Variants in PAPOLG observed in about 807,000 individuals in gnomAD.
The protein encoded by PAPOLG is poly(A) polymerase gamma, also known as PAP-gamma.
PAPOLG carries 40 observed loss-of-function variants against 99.0 expected under a neutral mutation model. That is an observed-to-expected ratio of 0.40 (90% CI 0.31 to 0.53). The LOEUF (loss-of-function observed/expected upper bound fraction) is 0.53, where lower values mean the gene tolerates loss of function less well. Ranked by LOEUF, PAPOLG falls within the 20% of genes least tolerant of loss-of-function variation. The pLI, the probability that PAPOLG is intolerant of heterozygous loss-of-function variation, is 0.41. For synonymous variants in PAPOLG, 310 were observed against 299.3 expected (o/e 1.04, Z -0.37); for missense variants, 675 against 884.1 (o/e 0.76, Z 3.00).
chr2:60,781,876 A>T lies in PAPOLG; in HGVS notation c.907-9A>T, dbSNP rs1368575358. The stretch of plus-strand genomic sequence containing the variant: ...GAATAGATCAGTTATTCTGCTTCTA[A>T]TTTCACAGGTAAATCCATCAGATAG... On this transcript the variant is annotated splice_polypyrimidine_tract_variant and intron_variant, in intron 10 of 21. Coordinates refer to ENST00000238714, the MANE Select transcript of PAPOLG (RefSeq NM_022894.4). 1.2e-6 allele frequency: 2 copies of T among 1,613,918 alleles called. No homozygotes were observed. The highest frequency in any genetic ancestry group is 1.7e-6 in the Non-Finnish European group (2 of 1,179,892).
At chr2:60,783,497 G>A (rs1297556304) in intron 13 of PAPOLG, among the ~76,000 whole-genome samples, 3 of 109,408 alleles carry the variant, frequency 2.7e-5, no homozygotes, top group African/African-American at 3.2e-5. Flanking sequence ...CACTTTACCC[G>A]GCCTTTTTTT....
At chr2:60,778,625 C>A (rs555909435) in intron 8 of PAPOLG, among the ~76,000 whole-genome samples, 1 of 152,232 alleles carries the variant, frequency 6.6e-6, no homozygotes, top group Non-Finnish European at 1.5e-5. Context: ...AATTACATCT[C>A]AATAAAGCTG....
chr2:60,796,446 T>C (rs778565472), intron 21 of PAPOLG, among the ~76,000 whole-genome samples: 7 of 151,950 alleles, frequency 4.6e-5, no homozygotes, highest in Non-Finnish European at 8.8e-5. Context: ...GCCCTAGATT[T>C]TGCCTTCTTT....
chr2:60,780,748 G>C lies in PAPOLG; in HGVS notation c.875G>C (p.Ser292Thr). 6.2e-7 allele frequency: 1 copy of C among 1,614,054 alleles called. No homozygotes were observed. Among genetic ancestry groups the C allele is most frequent in the Non-Finnish European group, 8.5e-7 (1 of 1,179,932 alleles). Residue 292 changes from serine to threonine, a missense_variant, in exon 10 of 22, where the codon AGC becomes ACC. By Grantham distance (58) the Ser-to-Thr change is moderately conservative. This residue lies in a region of PAPOLG where 113 missense variants were observed against 231.5 expected (regional missense o/e 0.49). Coordinates refer to ENST00000238714, the MANE Select transcript of PAPOLG (RefSeq NM_022894.4). ...NPVLLKQPEE[S>T]NLNLPVWDPR... ...GTGCTGCTGAAGCAACCAGAAGAAA[G>C]CAATTTGAATTTGCCTGTCTGGGAT... is the stretch of plus-strand genomic sequence containing the variant.
At chr2:60,782,656 T>A in intron 11 of PAPOLG, 30 bp from the exon 12 acceptor site, 4 of 713,888 alleles carry the variant, frequency 5.6e-6, no homozygotes, top group Admixed American at 5.1e-5. Context: ...TCTTCTTCTT[T>A]TTTTTTTTTT....
intron 15 of PAPOLG, among the ~76,000 whole-genome samples, chr2:60,789,184 G>C (rs952529891): frequency 6.6e-6 from 1 of 151,904 alleles, no homozygotes; most frequent in African/African-American, 2.4e-5. Flanking sequence ...TTGTGGGGTG[G>C]GGGGAGCGGG....
In PAPOLG at chr2:60,771,517, A is replaced by T; in HGVS notation, c.493-2A>T. The T allele has an allele frequency of 6.4e-7, 1 of 1,572,400 alleles. No individual in the cohort carries two copies. Among genetic ancestry groups the T allele is most frequent in the Non-Finnish European group, 8.6e-7 (1 of 1,167,346 alleles). ...TTTCTCTTTTTTCACATCTTTCCAA[A>T]GATTGATCTAGTCTTTGCAAGACTG... On this transcript the variant is annotated splice_acceptor_variant, in intron 6 of 21. Transcript: ENST00000238714. LOFTEE classifies it high-confidence loss of function.
At chr2:60,758,725 G>A (rs986428238) in intron 1 of PAPOLG, among the ~76,000 whole-genome samples, 1 of 151,968 alleles carries the variant, frequency 6.6e-6, no homozygotes, top group Admixed American at 6.6e-5. Context: ...CACCACGCCC[G>A]GCCTCTAATG....
At chr2:60,791,703 AG>A in intron 15 of PAPOLG, 57 bp from the exon 16 acceptor site, 1 of 1,547,172 alleles carries the variant, frequency 6.5e-7, no homozygotes, top group South Asian at 1.3e-5. Context: ...CAGAAAAATT[AG>A]GCAGAACCCT....
rs1275071071 is a variant in PAPOLG, at chr2:60,794,954, C to T, written c.2056-10C>T. Reference sequence around the variant, plus strand: ...TTAGTTTTCACTTGTGTTGATTCTTCTGTTTTTAGGATGCCATTGGAGGAG... The same window carrying T: ...TTAGTTTTCACTTGTGTTGATTCTTTTGTTTTTAGGATGCCATTGGAGGAG... On this transcript the variant is annotated splice_polypyrimidine_tract_variant and intron_variant, in intron 20 of 21. Transcript: ENST00000238714. 1.9e-6 allele frequency: 3 copies of T among 1,611,464 alleles called. No homozygotes were observed. In the Admixed American group the frequency reaches 5.1e-5, roughly 27 times the overall value.
Position 60,760,262 on chromosome 2 carries a change from G to T in PAPOLG, c.146G>T (p.Gly49Val). The change falls in exon 2 of 22, where the codon GGA becomes GTA. Residue 49 changes from glycine to valine, a missense_variant. Coordinates refer to ENST00000238714, the MANE Select transcript of PAPOLG (RefSeq NM_022894.4). ...TTAATTGACGCCATGAAACCATTTGGAGTGTTTGAAGATGAGGAAGAATTG... is the reference window on the plus strand; with the variant it reads ...TTAATTGACGCCATGAAACCATTTGTAGTGTTTGAAGATGAGGAAGAATTG... ...QKLIDAMKPF[G>V]VFEDEEELNH... is the part of the protein sequence containing the mutation. 6.2e-7 allele frequency: 1 copy of T among 1,613,980 alleles called. No homozygotes were observed.
At chr2:60,778,936 G>T (rs1008788762) in intron 8 of PAPOLG, among the ~76,000 whole-genome samples, 1 of 151,726 alleles carries the variant, frequency 6.6e-6, no homozygotes, top group Admixed American at 6.6e-5. Flanking sequence ...TATAAAAAAC[G>T]GTCATGACAA....
At chr2:60,757,714 C>A (rs1421255320) in intron 1 of PAPOLG, among the ~76,000 whole-genome samples, 1 of 152,140 alleles carries the variant, frequency 6.6e-6, no homozygotes, top group Non-Finnish European at 1.5e-5. Context: ...TTTAATGTTA[C>A]AATGTGACAG....
At chr2:60,758,619 G>A (rs1670427842) in intron 1 of PAPOLG, among the ~76,000 whole-genome samples, 1 of 151,950 alleles carries the variant, frequency 6.6e-6, no homozygotes, top group African/African-American at 2.4e-5. Flanking sequence ...AGTAGAGACG[G>A]GGTTTCACCA....
chr2:60,779,115 G>A (rs999166033), intron 8 of PAPOLG, among the ~76,000 whole-genome samples: 9 of 151,966 alleles, frequency 5.9e-5, no homozygotes, highest in Admixed American at 2.0e-4. Context: ...AAATAGAAAT[G>A]AATGATATCA....
rs984323956 is a variant in PAPOLG, at chr2:60,761,917, C to G, written c.246+110C>G. 7 of 807,290 alleles carry G rather than the reference C, an allele frequency of 8.7e-6. No individual in the cohort carries two copies. The African/African-American group carries it at 1.2e-4, about 14-fold the overall frequency. 50.0% of individuals were successfully genotyped at this position (807,290 alleles called of 1,614,324 possible). A position where few individuals can be genotyped will look rare whatever the true frequency, so the allele number is the denominator to read the frequency against. ...ATCTGAAATACATCAAAGCTTGGCT[C>G]TCTGGTATATGTAGGAATGAATTGG... On this transcript the variant is annotated intron_variant, in intron 3 of 21. Transcript: ENST00000238714.
intron 20 of PAPOLG, 54 bp from the exon 21 acceptor site, chr2:60,794,910 G>T: frequency 6.3e-7 from 1 of 1,599,156 alleles, no homozygotes; most frequent in East Asian, 2.2e-5. Context: ...GTAGAAATAA[G>T]TGTTTGCATA....
In PAPOLG at chr2:60,787,586, C is replaced by T. The variant is rs369104349; in HGVS notation, c.1362C>T (p.Asp454=). The change falls in exon 15 of 22, where the codon GAC becomes GAT. Residue 454 remains aspartate (D), a synonymous_variant. Coordinates refer to ENST00000238714, the MANE Select transcript of PAPOLG (RefSeq NM_022894.4). ...RVENAESVNI[D]LTYDIQSFTD... ...AAAATGCAGAAAGTGTCAACATAGA[C>T]TTGACATATGATATACAGTCATTTA... 2.4e-4 allele frequency: 390 copies of T among 1,613,958 alleles called. No individual in the cohort carries two copies. Among genetic ancestry groups the T allele is most frequent in the Non-Finnish European group, 3.2e-4 (382 of 1,179,980 alleles).
chr2:60,768,877 T>C lies in PAPOLG; in HGVS notation c.425T>C (p.Ile142Thr). The change falls in exon 5 of 22, where the codon ATT becomes ACT. Residue 142 changes from isoleucine (I) to threonine (T), a missense_variant. Physicochemically the swap from Ile to Thr is moderately conservative, Grantham distance 89. Around this residue, in one of 3 missense-constraint regions of PAPOLG, gnomAD observed 149 missense variants for 192.1 expected, o/e 0.78. Transcript: ENST00000238714. ...GAAAAATTGAAACATCAAGATGGCA[T>C]TAGAAACTTAAGAGTAAGTATCCTC... ...FFEKLKHQDG[I>T]RNLRAVEDAF... is the part of the protein sequence containing the mutation. 1 of 1,585,788 alleles carries C rather than the reference T, an allele frequency of 6.3e-7. No homozygotes were observed. The highest frequency in any genetic ancestry group is 8.6e-7 in the Non-Finnish European group (1 of 1,164,780).
Sources: gnomAD v4.1 joint callset for allele counts (sites outside exome capture counted in the v4.1 genomes callset) on GRCh38, gnomAD v4.1.1 for gene constraint, gnomAD v4.1.1 regional missense constraint, MANE v1.5 for transcripts, NCBI Gene and HGNC (gene_info 2026-07-23, HGNC 2026-07-21) for gene names.